Variants in CNTNAP2 observed in about 807,000 individuals in gnomAD.
CNTNAP2 encodes the protein contactin-associated protein-like 2.
A neutral mutation model predicts 155.2 loss-of-function variants in CNTNAP2; 98 were observed. The observed-to-expected ratio is 0.63, with a 90% CI of 0.54 to 0.75. CNTNAP2 has a LOEUF of 0.75. CNTNAP2 is among the 30% of genes least tolerant of loss of function. CNTNAP2 has a pLI of 0.00. For synonymous variants in CNTNAP2, 651 were observed against 631.2 expected (o/e 1.03, Z -0.47); for missense variants, 1,727 against 1,688.1 (o/e 1.02, Z -0.40).
intron 21 of CNTNAP2, among the ~76,000 whole-genome samples, chr7:148,274,083 G>C (rs60539022): frequency 2.2e-4 from 33 of 152,178 alleles, no homozygotes; most frequent in Non-Finnish European, 4.0e-4. Flanking sequence ...GTGATTTCCA[G>C]GCTAGAACAT....
chr7:148,330,554 T>C (rs1187876501), intron 21 of CNTNAP2, among the ~76,000 whole-genome samples: 1 of 143,394 alleles, frequency 7.0e-6, no homozygotes, highest in Non-Finnish European at 1.5e-5. Context: ...AGTGCACGGA[T>C]GGATAGAGTG....
intron 13 of CNTNAP2, among the ~76,000 whole-genome samples, chr7:147,889,351 TA>T (rs1563124811): frequency 6.6e-6 from 1 of 151,704 alleles, no homozygotes; most frequent in Admixed American, 6.6e-5. Flanking sequence ...TTTAGACAAT[TA>T]AAAAGAAAAA....
chr7:146,865,165 A>T (rs960900466), intron 3 of CNTNAP2, among the ~76,000 whole-genome samples: 1 of 152,076 alleles, frequency 6.6e-6, no homozygotes, highest in South Asian at 2.1e-4. Context: ...AATAAAAATT[A>T]TACTGACATT....
At chr7:148,150,113 A>C (rs1161387152) in intron 17 of CNTNAP2, among the ~76,000 whole-genome samples, 1 of 78,946 alleles carries the variant, frequency 1.3e-5, no homozygotes, top group African/African-American at 5.2e-5. Flanking sequence ...AAAAAAAAAA[A>C]AAAAAAAAAA....
At chr7:147,642,825 C>G (rs1795302222) in intron 13 of CNTNAP2, among the ~76,000 whole-genome samples, 4 of 152,174 alleles carry the variant, frequency 2.6e-5, no homozygotes, top group Non-Finnish European at 1.5e-5. Flanking sequence ...TTCTCATAAG[C>G]TTCTTGCCTG....
intron 8 of CNTNAP2, among the ~76,000 whole-genome samples, chr7:147,293,900 A>T (rs561307348): frequency 3.9e-5 from 6 of 152,252 alleles, no homozygotes; most frequent in Non-Finnish European, 8.8e-5. Flanking sequence ...AAAACAATTT[A>T]GTTATAAAAA....
chr7:146,752,696 G>A (rs182770162), intron 1 of CNTNAP2, among the ~76,000 whole-genome samples: 1 of 152,264 alleles, frequency 6.6e-6, no homozygotes, highest in African/African-American at 2.4e-5. Flanking sequence ...CTTTGCCCAT[G>A]CCTATAACCT....
At chr7:146,658,778 A>G (rs1018261096) in intron 1 of CNTNAP2, among the ~76,000 whole-genome samples, 1 of 152,248 alleles carries the variant, frequency 6.6e-6, no homozygotes, top group Non-Finnish European at 1.5e-5. Context: ...CACAATGCAC[A>G]GTGTGAAAAG....
intron 15 of CNTNAP2, among the ~76,000 whole-genome samples, chr7:148,018,718 C>T (rs1262054603): frequency 6.6e-6 from 1 of 152,210 alleles, no homozygotes; most frequent in African/African-American, 2.4e-5. Flanking sequence ...GGCTTCCAGC[C>T]CAGACCTTTG....
At chr7:148,204,764 A>C (rs1165958266) in intron 18 of CNTNAP2, among the ~76,000 whole-genome samples, 3 of 152,206 alleles carry the variant, frequency 2.0e-5, no homozygotes, top group African/African-American at 7.2e-5. Context: ...GAAAACAGCT[A>C]GAGTTTGCAC....
chr7:147,312,831 C>A (rs541936763), intron 9 of CNTNAP2, among the ~76,000 whole-genome samples: 1 of 123,398 alleles, frequency 8.1e-6, no homozygotes, highest in Non-Finnish European at 1.6e-5. Flanking sequence ...CCTGAGGAAT[C>A]GCCACACTGA....
At chr7:147,391,173 A>C (rs191249962) in intron 9 of CNTNAP2, among the ~76,000 whole-genome samples, 645 of 152,292 alleles carry the variant, frequency 4.2e-3, no homozygotes, top group Non-Finnish European at 5.7e-3. Flanking sequence ...GAGAAACCAA[A>C]TTAGACTCTC....
intron 13 of CNTNAP2, among the ~76,000 whole-genome samples, chr7:147,699,364 A>C (rs1436431752): frequency 6.6e-6 from 1 of 151,942 alleles, no homozygotes; most frequent in Non-Finnish European, 1.5e-5. Flanking sequence ...AAAACCAAAC[A>C]CCACATGCTC....
intron 12 of CNTNAP2, among the ~76,000 whole-genome samples, chr7:147,618,553 A>ATAT (rs143957040): frequency 0.1 from 15,679 of 151,842 alleles, 2,232 homozygotes; most frequent in African/African-American, 0.31. Context: ...GACTCAGCTC[A>ATAT]TATACTTTTA....
chr7:147,902,792 GTGTGTGTGTGTGTGTGTGTGTA>G (rs767019968), intron 13 of CNTNAP2, among the ~76,000 whole-genome samples: 5,169 of 137,378 alleles, frequency 0.038, 122 homozygotes, highest in Middle Eastern at 0.06. Context: ...GTGTGTGTGT[GTGTGTGTGTGTGTGTGTGTGTA>G]TGTGTGTGTG....
intron 1 of CNTNAP2, among the ~76,000 whole-genome samples, chr7:146,572,064 A>G (rs546434963): frequency 6.6e-6 from 1 of 152,240 alleles, no homozygotes; most frequent in South Asian, 2.1e-4. Context: ...TGCTTGGAAA[A>G]ATATATTCTA....
chr7:146,397,470 T>C lies in CNTNAP2; in HGVS notation c.97+280497T>C, dbSNP rs184431441. ...ATTTATAGGAATTTGTACATTAAGT[T>C]CAATTAACCTAACAGGGCCACACAA... On this transcript the variant is annotated intron_variant, in intron 1 of 23. Transcript: ENST00000361727. Among the ~76,000 whole-genome samples, 3 of 152,316 alleles carry C rather than the reference T, an allele frequency of 2.0e-5. No individual in the cohort carries two copies. In the East Asian group the frequency reaches 5.8e-4, roughly 29 times the overall value.
chr7:147,824,558 T>A (rs1469005304), intron 13 of CNTNAP2, among the ~76,000 whole-genome samples: 2 of 152,176 alleles, frequency 1.3e-5, no homozygotes, highest in African/African-American at 4.8e-5. Flanking sequence ...AGTTTTGGCA[T>A]GTCTGTATCG....
chr7:146,486,124 G>A (rs1797054586), intron 1 of CNTNAP2, among the ~76,000 whole-genome samples: 1 of 124,066 alleles, frequency 8.1e-6, no homozygotes, highest in African/African-American at 3.1e-5. Flanking sequence ...GAGTGCAGTG[G>A]CACGATCTCA....
Sources: gnomAD v4.1 joint callset for allele counts (sites outside exome capture counted in the v4.1 genomes callset) on GRCh38, gnomAD v4.1.1 for gene constraint, MANE v1.5 for transcripts, NCBI Gene and HGNC (gene_info 2026-07-23, HGNC 2026-07-21) for gene names.